ADAMTS9: variants seen among roughly 807,000 people sequenced by gnomAD.
ADAMTS9 encodes ADAM metallopeptidase with thrombospondin type 1 motif 9.
Under a neutral mutation model 257.1 loss-of-function variants are expected in ADAMTS9, and 107 were observed. The ratio of observed to expected loss-of-function variants is 0.42; its 90% CI spans 0.36 to 0.49. ADAMTS9 has a LOEUF of 0.49. Among genes scored for constraint, ADAMTS9 ranks in the 20% least tolerant of loss-of-function variants. The pLI is 0.03. For synonymous variants in ADAMTS9, 982 were observed against 880.9 expected, an observed-to-expected ratio of 1.11 and a Z score of -2.03; for missense variants, 2,353 against 2,469.1, an observed-to-expected ratio of 0.95 and a Z score of 1.00.
chr3:64,561,640 C>T lies in ADAMTS9; in HGVS notation c.4636G>A (p.Glu1546Lys). The T allele has an allele frequency of 1.2e-6, 2 of 1,614,068 alleles. No homozygotes were observed. The highest frequency in any genetic ancestry group is 1.7e-6 in the Non-Finnish European group (2 of 1,180,004). The part of the protein sequence containing the change: ...ECNPYTRPES[E>K]RDCQGPRCPL... ...CACCGTGGGCCTTGGCAGTCGCGTTCCGACTCCGGTCTGGTGTATGGGTTG... is the reference window on the plus strand; with the variant it reads ...CACCGTGGGCCTTGGCAGTCGCGTTTCGACTCCGGTCTGGTGTATGGGTTG... Residue 1546 changes from glutamate (E) to lysine (K), a missense_variant, in exon 30 of 40, where the codon GAA becomes AAA. Physicochemically the swap from Glu to Lys is moderately conservative, Grantham distance 56. Transcript: ENST00000498707.
chr3:64,649,997 G>A (rs968973696), intron 9 of ADAMTS9: 3 of 501,424 alleles, frequency 6.0e-6, no homozygotes, highest in African/African-American at 3.9e-5. Flanking sequence ...AACATAGCCA[G>A]TAGGAAATAT....
chr3:64,539,328 A>AG (rs764770242), intron 36 of ADAMTS9, 34 bp from the exon 37 acceptor site: 44 of 1,572,970 alleles, frequency 2.8e-5, no homozygotes, highest in Non-Finnish European at 3.8e-5. Context: ...AGGCAGGGGA[A>AG]GGTAAGAGTG....
chr3:64,639,327 A>C (rs1342719927), intron 12 of ADAMTS9, among the ~76,000 whole-genome samples: 1 of 148,548 alleles, frequency 6.7e-6, no homozygotes, highest in Non-Finnish European at 1.5e-5. Flanking sequence ...AAAAAAAAAA[A>C]AAAACCTCCC....
intron 26 of ADAMTS9, among the ~76,000 whole-genome samples, chr3:64,597,691 G>T (rs1428702545): frequency 6.6e-6 from 1 of 152,020 alleles, no homozygotes; most frequent in Admixed American, 6.6e-5. Flanking sequence ...TCTCTTTCAT[G>T]GTTTGTCATG....
chr3:64,617,817 G>A lies in ADAMTS9; in HGVS notation c.2814-1647C>T, dbSNP rs559983690. On this transcript the variant is annotated intron_variant, in intron 19 of 39. Transcript: ENST00000498707. ...TTGGTAAGTCTTGTCAGACATACTG[G>A]TGTGCCATGAATCATCATTCAAAAT... Among the ~76,000 whole-genome samples, 6 of 152,254 alleles carry A rather than the reference G, an allele frequency of 3.9e-5. No homozygotes were observed. In the East Asian group the frequency reaches 5.8e-4, roughly 15 times the overall value.
intron 2 of ADAMTS9, among the ~76,000 whole-genome samples, chr3:64,685,606 T>C (rs1217609036): frequency 6.6e-6 from 1 of 152,158 alleles, no homozygotes; most frequent in Non-Finnish European, 1.5e-5. Flanking sequence ...GGCAGATGCC[T>C]TGTAAGATCC....
chr3:64,554,562 T>A (rs775515097), intron 30 of ADAMTS9, among the ~76,000 whole-genome samples: 3 of 152,220 alleles, frequency 2.0e-5, no homozygotes, highest in African/African-American at 4.8e-5. Flanking sequence ...TGATCTAGAA[T>A]GTTCTGAAAA....
intron 6 of ADAMTS9, 126 bp downstream of exon 6, chr3:64,655,450 C>A (rs1701043585): frequency 1.3e-6 from 1 of 756,970 alleles, no homozygotes; most frequent in Non-Finnish European, 2.2e-6. Context: ...AATTGTCCAG[C>A]CCAAAATGTC....
At chr3:64,655,244 T>A (rs1485093975) in intron 6 of ADAMTS9, among the ~76,000 whole-genome samples, 1 of 152,102 alleles carries the variant, frequency 6.6e-6, no homozygotes, top group Admixed American at 6.5e-5. Context: ...TTTTCAGGTC[T>A]GCCTAACACA....
In ADAMTS9 at chr3:64,649,691, C is replaced by G. The variant is rs1454477685; in HGVS notation, c.1551G>C (p.Val517=). 6.2e-7 allele frequency: 1 copy of G among 1,613,812 alleles called. No homozygotes were observed. Among genetic ancestry groups the G allele is most frequent in the Admixed American group, 1.7e-5 (1 of 59,972 alleles). ...CAAAAATCAATTCACATTGTTTATT[C>G]ACGTTGTAAAGGATGCCTGGCAGTT... ...PVQLPGILYN[V]NKQCELIFGP... is the part of the protein sequence containing the mutation. The change falls in exon 10 of 40, where the codon GTG becomes GTC. Residue 517 remains valine, a synonymous_variant. Transcript: ENST00000498707.
At chr3:64,597,594 TTTTA>T (rs759072065) in intron 26 of ADAMTS9, among the ~76,000 whole-genome samples, 42 of 152,286 alleles carry the variant, frequency 2.8e-4, no homozygotes, top group Non-Finnish European at 5.3e-4. Context: ...GTAAGACTTG[TTTTA>T]TTTATTTTTT....
At position 64,686,561 on chromosome 3, in the gene ADAMTS9, C is replaced by G; in HGVS notation, c.516+7G>C. ...AAGGGGAGAGGAGGTGGCGCGCGCC[C>G]ACTTACCATTCCTGAGCAGAGGCTG... is the stretch of plus-strand genomic sequence containing the variant. On this transcript the variant is annotated splice_region_variant and intron_variant, in intron 2 of 39. Coordinates refer to ENST00000498707, the MANE Select transcript of ADAMTS9 (RefSeq NM_182920.2). The surrounding 1 kb of genome is among the most constrained non-coding windows in gnomAD (Gnocchi z 4.6). The G allele has an allele frequency of 6.3e-7, 1 of 1,597,202 alleles. No individual in the cohort carries two copies. The highest frequency in any genetic ancestry group is 8.5e-7 in the Non-Finnish European group (1 of 1,170,934).
chr3:64,634,722 G>A (rs1347366787), intron 12 of ADAMTS9, among the ~76,000 whole-genome samples: 1 of 152,156 alleles, frequency 6.6e-6, no homozygotes, highest in Non-Finnish European at 1.5e-5. Context: ...CTCACCCAGG[G>A]CTGAAACAGC....
chr3:64,594,235 A>G (rs370620534), intron 28 of ADAMTS9, 23 bp downstream of exon 28: 193 of 1,599,192 alleles, frequency 1.2e-4, no homozygotes, highest in Non-Finnish European at 1.6e-4. Flanking sequence ...TTGGTTAACA[A>G]ACATGAATAG....
rs565115449 is a variant in ADAMTS9, at chr3:64,548,830, C to A, written c.4870-1878G>T. Reference sequence around the variant, plus strand: ...GCCTTGGTGTATGTGCTTGGTTCCACATGAGCACGTATTACTTTTCTAAAT... The same window carrying A: ...GCCTTGGTGTATGTGCTTGGTTCCAAATGAGCACGTATTACTTTTCTAAAT... On this transcript the variant is annotated intron_variant, in intron 31 of 39. Transcript: ENST00000498707. Among the ~76,000 whole-genome samples the A allele has an allele frequency of 9.2e-5, 14 of 152,384 alleles. No homozygotes were observed. In the East Asian group the frequency reaches 1.2e-3, roughly 13 times the overall value.
At chr3:64,548,083 G>A (rs111432227) in intron 31 of ADAMTS9, among the ~76,000 whole-genome samples, 4 of 152,214 alleles carry the variant, frequency 2.6e-5, no homozygotes, top group African/African-American at 9.6e-5. Context: ...TGCTTTTTCT[G>A]GGGTGAGGGA....
At chr3:64,635,085 C>T (rs1404624828) in intron 12 of ADAMTS9, among the ~76,000 whole-genome samples, 1 of 152,170 alleles carries the variant, frequency 6.6e-6, no homozygotes, top group African/African-American at 2.4e-5. Flanking sequence ...TTCATGTCAA[C>T]ACTGCCCAAT....
intron 38 of ADAMTS9, among the ~76,000 whole-genome samples, chr3:64,527,258 G>A (rs1382283650): frequency 6.6e-6 from 1 of 152,130 alleles, no homozygotes; most frequent in Non-Finnish European, 1.5e-5. Flanking sequence ...CCTGGTTTGA[G>A]CTATTACATA....
intron 27 of ADAMTS9, among the ~76,000 whole-genome samples, chr3:64,595,084 A>C (rs560707150): frequency 1.3e-4 from 19 of 151,762 alleles, no homozygotes; most frequent in Middle Eastern, 3.4e-3. Context: ...CCAAACCAAA[A>C]CAAAACAAAA....
Sources: gnomAD v4.1 joint callset for allele counts (sites outside exome capture counted in the v4.1 genomes callset) on GRCh38, gnomAD v4.1.1 for gene constraint, Gnocchi (gnomAD v3.1) non-coding constraint, MANE v1.5 for transcripts, NCBI Gene and HGNC (gene_info 2026-07-23, HGNC 2026-07-21) for gene names.